The following RPH3AL variants were observed in gnomAD, a reference collection of about 807,000 sequenced individuals.
RPH3AL encodes rabphilin 3A like (without C2 domains).
RPH3AL carries 38 observed loss-of-function variants against 43.1 expected under a neutral mutation model. The observed-to-expected ratio is 0.88, with a 90% CI of 0.68 to 1.15. RPH3AL has a LOEUF of 1.15. Among genes scored for constraint, RPH3AL ranks in the 50% most tolerant of loss-of-function variants. The pLI, the probability that RPH3AL is intolerant of heterozygous loss-of-function variation, is 0.00. For missense variants in RPH3AL, 462 were observed against 423.2 expected (o/e 1.09, Z -0.81); for synonymous variants, 189 against 176.3 (o/e 1.07, Z -0.57).
At chr17:317,608 T>A (rs11150872) in intron 5 of RPH3AL, among the ~76,000 whole-genome samples, 149,371 of 152,348 alleles carry the variant, frequency 0.98, 73,278 homozygotes, top group South Asian at 1. Flanking sequence ...CGCACAGTCT[T>A]ACACCCAGGC....
intron 7 of RPH3AL, among the ~76,000 whole-genome samples, chr17:238,418 T>C (rs1387800596): frequency 1.3e-5 from 2 of 150,294 alleles, no homozygotes; most frequent in Admixed American, 6.7e-5. Flanking sequence ...CTCTGGAGGT[T>C]GAAGAGAAGA....
chr17:242,899 C>T (rs200066572), intron 7 of RPH3AL, among the ~76,000 whole-genome samples: 2,666 of 61,124 alleles, frequency 0.044, 8 homozygotes, highest in African/African-American at 0.071. Flanking sequence ...CCTCTATTGA[C>T]TACCTTCCTC....
chr17:312,692 TCTC>T (rs2151657112), intron 5 of RPH3AL, among the ~76,000 whole-genome samples: 1 of 152,212 alleles, frequency 6.6e-6, no homozygotes, highest in East Asian at 1.9e-4. Flanking sequence ...GCTAAGGGCT[TCTC>T]CTGCACTATT....
intron 5 of RPH3AL, among the ~76,000 whole-genome samples, chr17:284,949 T>A (rs1240055558): frequency 6.6e-6 from 1 of 152,150 alleles, no homozygotes; most frequent in Non-Finnish European, 1.5e-5. Flanking sequence ...CCTCCTCTGA[T>A]AAGGACGCCA....
intron 7 of RPH3AL, among the ~76,000 whole-genome samples, chr17:240,164 G>A (rs2151528230): frequency 6.6e-6 from 1 of 151,606 alleles, no homozygotes; most frequent in Middle Eastern, 3.4e-3. Context: ...TTGAACCCAG[G>A]AGGTGGAGGT....
At chr17:232,872 GT>G (rs2041263954) in intron 7 of RPH3AL, among the ~76,000 whole-genome samples, 1 of 92,596 alleles carries the variant, frequency 1.1e-5, no homozygotes, top group African/African-American at 3.7e-5. Flanking sequence ...GTGTGTGTGT[GT>G]GTGTGTGTGT....
chr17:227,868 T>C (rs370990041), intron 7 of RPH3AL, among the ~76,000 whole-genome samples: 2 of 151,600 alleles, frequency 1.3e-5, no homozygotes, highest in African/African-American at 4.8e-5. Flanking sequence ...AAATTTTGCA[T>C]ACTAAAAACA....
chr17:214,686 C>G (rs2040750728), intron 9 of RPH3AL: 2 of 152,076 alleles, frequency 1.3e-5, no homozygotes, highest in Non-Finnish European at 2.9e-5. Context: ...AGGAGGACCA[C>G]TGGAGCCCAG....
intron 6 of RPH3AL, among the ~76,000 whole-genome samples, chr17:279,422 G>C (rs1344634642): frequency 6.6e-6 from 1 of 152,118 alleles, no homozygotes; most frequent in Non-Finnish European, 1.5e-5. Flanking sequence ...CAAGGGCAAA[G>C]TAATAGCGTA....
intron 8 of RPH3AL, among the ~76,000 whole-genome samples, chr17:216,891 AG>A (rs903069610): frequency 3.3e-5 from 5 of 152,168 alleles, no homozygotes; most frequent in Non-Finnish European, 5.9e-5. Context: ...TACGTGTGTC[AG>A]GTCTTTGCCA....
Position 246,736 on chromosome 17 carries a change from A to G in RPH3AL, c.613+375T>C, listed in dbSNP as rs1471041521. Reference sequence around the variant, plus strand: ...CCGAGACACAAGGCAAGTGCCAGGAAGAGATGGTGAGGGCCTGCCTGGGAA... The same window carrying G: ...CCGAGACACAAGGCAAGTGCCAGGAGGAGATGGTGAGGGCCTGCCTGGGAA... On this transcript the variant is annotated intron_variant, in intron 7 of 9. Coordinates refer to ENST00000331302, the MANE Select transcript of RPH3AL (RefSeq NM_006987.4). The surrounding 1 kb of genome is among the most constrained non-coding windows in gnomAD (Gnocchi z 4.8). Among the ~76,000 whole-genome samples, 1 of 152,132 alleles carries G rather than the reference A, an allele frequency of 6.6e-6. No homozygotes were observed. The highest frequency in any genetic ancestry group is 1.5e-5 in the Non-Finnish European group (1 of 68,014).
chr17:338,298 C>CA (rs1408993804), intron 1 of RPH3AL, among the ~76,000 whole-genome samples: 2 of 151,656 alleles, frequency 1.3e-5, no homozygotes, highest in Non-Finnish European at 2.9e-5. Flanking sequence ...CCTGTCTCTA[C>CA]AAAAAATTTA....
chr17:346,011 G>A lies in RPH3AL; in HGVS notation c.-213+6701C>T, dbSNP rs2151734844. 1.5e-5 allele frequency among the ~76,000 whole-genome samples: 2 copies of A among 135,562 alleles called. 1 individual carries two copies. Among genetic ancestry groups the A allele is most frequent in the South Asian group, 4.8e-4 (2 of 4,136 alleles). 88.9% of individuals were successfully genotyped at this position (135,562 alleles called of 152,430 possible). A position where few individuals can be genotyped will look rare whatever the true frequency, so the allele number is the denominator to read the frequency against. ...GGTTTGTCTGTCAATGATCAATTAG[G>A]AGAACCACCATTGAGGGCTTACCAT... On this transcript the variant is annotated intron_variant, in intron 1 of 9. Transcript: ENST00000331302.
At chr17:315,126 TC>T (rs2151670180) in intron 5 of RPH3AL, among the ~76,000 whole-genome samples, 1 of 116,856 alleles carries the variant, frequency 8.6e-6, no homozygotes, top group East Asian at 2.4e-4. Flanking sequence ...TGACCTGTAG[TC>T]TCTGTGCTCC....
At chr17:352,519 G>A (rs2045374115) in intron 1 of RPH3AL, 193 bp downstream of exon 1, 1 of 152,228 alleles carries the variant, frequency 6.6e-6, no homozygotes, top group Admixed American at 6.5e-5. Context: ...AGAAGCAGCA[G>A]GACCTGGGGC....
rs944699967 is a variant in RPH3AL at position 345,107 on chromosome 17, A to G, written c.-213+7605T>C. Among the ~76,000 whole-genome samples the G allele has an allele frequency of 5.2e-5, 7 of 134,044 alleles. 1 individual carries two copies. Among genetic ancestry groups the G allele is most frequent in the African/African-American group, 1.8e-4 (7 of 39,146 alleles). The allele number at this position is 134,044 out of a possible 152,430, so 87.9% of individuals were successfully genotyped here. ...AACATGGTGAAACCTTGTCTCTGAA[A>G]ACACACACACACACAGAAAAAATTA... On this transcript the variant is annotated intron_variant, in intron 1 of 9. Transcript: ENST00000331302.
intron 7 of RPH3AL, among the ~76,000 whole-genome samples, chr17:227,024 G>A (rs917087761): frequency 2.0e-5 from 3 of 152,232 alleles, no homozygotes; most frequent in African/African-American, 7.2e-5. Flanking sequence ...GCCTTTCGGA[G>A]GAAGAAGTAT....
At chr17:307,355 T>C (rs1222584772) in intron 5 of RPH3AL, among the ~76,000 whole-genome samples, 1 of 131,572 alleles carries the variant, frequency 7.6e-6, no homozygotes, top group Non-Finnish European at 1.6e-5. Context: ...CCGCGGCAGG[T>C]CCATCCTACG....
chr17:338,685 G>T (rs901076306), intron 1 of RPH3AL: 2 of 152,146 alleles, frequency 1.3e-5, no homozygotes, highest in African/African-American at 4.8e-5. Context: ...ATGCAGAAAC[G>T]CAGGCCTGCT....
Sources: gnomAD v4.1 joint callset for allele counts (sites outside exome capture counted in the v4.1 genomes callset) on GRCh38, gnomAD v4.1.1 for gene constraint, Gnocchi (gnomAD v3.1) non-coding constraint, MANE v1.5 for transcripts, NCBI Gene and HGNC (gene_info 2026-07-23, HGNC 2026-07-21) for gene names.